Variants in DLAT observed in about 807,000 individuals in gnomAD.
DLAT encodes dihydrolipoyllysine-residue acetyltransferase component of pyruvate dehydrogenase complex, mitochondrial.
Under a neutral mutation model 68.0 loss-of-function variants are expected in DLAT, and 43 were observed. The observed-to-expected ratio is 0.63, with a 90% CI of 0.50 to 0.81. The LOEUF (loss-of-function observed/expected upper bound fraction) is 0.81. Among genes scored for constraint, DLAT ranks in the 40% least tolerant of loss-of-function variants. The pLI, the probability that DLAT is intolerant of heterozygous loss-of-function variation, is 0.00. For synonymous variants in DLAT, 265 were observed against 288.6 expected (o/e 0.92, Z 0.83); for missense variants, 745 against 815.4 (o/e 0.91, Z 1.05).
intron 11 of DLAT, among the ~76,000 whole-genome samples, chr11:112,057,240 C>T (rs1338434281): frequency 1.3e-5 from 2 of 152,178 alleles, no homozygotes; most frequent in Non-Finnish European, 2.9e-5. Context: ...TTGGGCCTCC[C>T]TATTCCATGA....
intron 11 of DLAT, among the ~76,000 whole-genome samples, chr11:112,059,072 G>GA (rs1864343120): frequency 6.6e-6 from 1 of 151,538 alleles, no homozygotes; most frequent in African/African-American, 2.4e-5. Context: ...AAAAGATTGG[G>GA]ACCCCTTACT....
At position 112,061,142 on chromosome 11, in the gene DLAT, G is replaced by T. The variant is rs1555183226; in HGVS notation, c.1782G>T (p.Glu594Asp). The change falls in exon 13 of 14, where the codon GAG (glutamate) becomes GAT (aspartate). Residue 594 changes from glutamate to aspartate, a missense_variant. Physicochemically the swap from Glu to Asp is conservative, Grantham distance 45. Transcript: ENST00000280346. ...GTATTTTGGCAATTGGTGCTTCAGA[G>T]GATAAACTGGTCCCTGCAGATAATG... Reference protein sequence around the residue: ...QACILAIGASEDKLVPADNEK... With the variant: ...QACILAIGASDDKLVPADNEK... 6.2e-7 allele frequency: 1 copy of T among 1,614,102 alleles called. No homozygotes were observed. The highest frequency in any genetic ancestry group is 1.7e-5 in the Admixed American group (1 of 60,018).
At position 112,062,660 on chromosome 11, in the gene DLAT, G is replaced by C; in HGVS notation, c.*125G>C. On this transcript the variant is annotated 3_prime_UTR_variant, in exon 14 of 14. Coordinates refer to ENST00000280346, the MANE Select transcript of DLAT (RefSeq NM_001931.5). ...TTATTTTTATTATTGAGTCTGTCCA[G>C]ATAAGTTATTTATAATGGGCATTAC... The C allele has an allele frequency of 2.6e-6, 3 of 1,166,492 alleles. No homozygotes were observed. Among genetic ancestry groups the C allele is most frequent in the Non-Finnish European group, 3.7e-6 (3 of 819,420 alleles). The allele number at this position is 1,166,492 out of a possible 1,614,324, so 72.3% of individuals were successfully genotyped here. A position where few individuals can be genotyped will look rare whatever the true frequency, so the allele number is the denominator to read the frequency against.
intron 5 of DLAT, among the ~76,000 whole-genome samples, chr11:112,036,207 T>TTG (rs1862760859): frequency 2.3e-5 from 1 of 43,794 alleles, no homozygotes; most frequent in African/African-American, 7.7e-5. Flanking sequence ...GTGTGTTTTT[T>TTG]TTTTTTTTTT....
rs184580509 is a variant in DLAT at position 112,062,769 on chromosome 11, T to G, written c.*234T>G. 8.2e-6 allele frequency: 4 copies of G among 485,560 alleles called. No homozygotes were observed. In the Admixed American group the frequency reaches 9.7e-5, roughly 12 times the overall value. 30.1% of individuals were successfully genotyped at this position (485,560 alleles called of 1,614,324 possible). On this transcript the variant is annotated 3_prime_UTR_variant, in exon 14 of 14. Transcript: ENST00000280346. ...AGATTTTTAGCTCTGTACTCCTAAT[T>G]AAGGGACATGTATGTGGCCTTGCCT...
At chr11:112,030,563 C>T (rs548194) in intron 4 of DLAT, among the ~76,000 whole-genome samples, 9,301 of 152,164 alleles carry the variant, frequency 0.061, 934 homozygotes, top group African/African-American at 0.21. Flanking sequence ...AATGAGAAAA[C>T]TGACAAAAGT....
chr11:112,045,132 C>G lies in DLAT; in HGVS notation c.1198-6C>G. On this transcript the variant is annotated splice_polypyrimidine_tract_variant and splice_region_variant and intron_variant, in intron 8 of 13. Coordinates refer to ENST00000280346, the MANE Select transcript of DLAT (RefSeq NM_001931.5). ...GTTACTAAGAGCTTTTTCTTTCCTC[C>G]CATAGGCTCCGGCAGCTGTTGTGCC... 1 of 1,613,162 alleles carries G rather than the reference C, an allele frequency of 6.2e-7. No individual in the cohort carries two copies. The highest frequency in any genetic ancestry group is 8.5e-7 in the Non-Finnish European group (1 of 1,179,248).
At chr11:112,029,674 C>CT (rs1482331557) in intron 4 of DLAT, among the ~76,000 whole-genome samples, 2 of 149,548 alleles carry the variant, frequency 1.3e-5, no homozygotes, top group Admixed American at 6.7e-5. Context: ...TACAAAAAAA[C>CT]TTTATTTACA....
At position 112,051,163 on chromosome 11, in the gene DLAT, A is replaced by T; in HGVS notation, c.1399-71A>T. 1 of 1,068,198 alleles carries T rather than the reference A, an allele frequency of 9.4e-7. No homozygotes were observed. Among genetic ancestry groups the T allele is most frequent in the South Asian group, 1.4e-5 (1 of 73,060 alleles). 66.2% of individuals were successfully genotyped at this position (1,068,198 alleles called of 1,614,324 possible). On this transcript the variant is annotated intron_variant, in intron 10 of 13. Transcript: ENST00000280346. This position sits in a 1 kb window ranked among gnomAD's most constrained non-coding sequence, Gnocchi z 4.3. ...TATAATAAACCTGGACATTCTGCAC[A>T]TGCACCCTGAAACTTAAAATTAAAA... is the stretch of plus-strand genomic sequence containing the variant.
At chr11:112,037,047 A>G (rs782769845) in intron 5 of DLAT, among the ~76,000 whole-genome samples, 3 of 152,198 alleles carry the variant, frequency 2.0e-5, no homozygotes, top group Non-Finnish European at 4.4e-5. Flanking sequence ...AAAAATATTA[A>G]TCTGTTTAAA....
chr11:112,025,893 G>T, intron 1 of DLAT, 142 bp downstream of exon 1: 1 of 1,103,168 alleles, frequency 9.1e-7, no homozygotes, highest in Admixed American at 2.7e-5. Context: ...AGTTGGCTTT[G>T]CTGTAGCTCC....
intron 4 of DLAT, chr11:112,032,464 G>A (rs1192999720): frequency 6.6e-6 from 1 of 151,426 alleles, no homozygotes; most frequent in African/African-American, 2.4e-5. Context: ...ACAATACATT[G>A]TTATTAACTA....
At chr11:112,026,704 A>G (rs1862035914) in intron 2 of DLAT, among the ~76,000 whole-genome samples, 1 of 152,150 alleles carries the variant, frequency 6.6e-6, no homozygotes, top group South Asian at 2.1e-4. Flanking sequence ...AAAGTCTCCC[A>G]TGTCTACCTC....
intron 5 of DLAT, among the ~76,000 whole-genome samples, chr11:112,036,143 A>G (rs12800498): frequency 0.012 from 1,601 of 132,944 alleles, 22 homozygotes; most frequent in African/African-American, 0.042. Flanking sequence ...ATGTGTGTGT[A>G]TATATATATA....
intron 4 of DLAT, 100 bp from the exon 5 acceptor site, chr11:112,033,304 C>T: frequency 1.4e-6 from 2 of 1,430,728 alleles, no homozygotes; most frequent in Non-Finnish European, 1.9e-6. Flanking sequence ...TTTGGATTAT[C>T]ATAGTCACCA....
chr11:112,041,661 T>C (rs1298890088), intron 7 of DLAT, among the ~76,000 whole-genome samples: 2 of 152,100 alleles, frequency 1.3e-5, no homozygotes, highest in African/African-American at 4.8e-5. Context: ...GGCAGGTGGA[T>C]CACAGGTCAG....
intron 4 of DLAT, chr11:112,030,330 A>T (rs1555179858): frequency 3.3e-5 from 17 of 512,036 alleles, no homozygotes. Flanking sequence ...ATCAAAGAAC[A>T]CCATGGGGTT....
At chr11:112,040,136 C>G (rs906282093) in intron 7 of DLAT, among the ~76,000 whole-genome samples, 1 of 152,130 alleles carries the variant, frequency 6.6e-6, no homozygotes, top group Admixed American at 6.5e-5. Flanking sequence ...AGTTGTCATT[C>G]ATATTGATAT....
intron 13 of DLAT, 133 bp from the exon 14 acceptor site, chr11:112,062,273 T>C (rs1295464655): frequency 3.2e-6 from 3 of 951,780 alleles, no homozygotes; most frequent in African/African-American, 1.6e-5. Flanking sequence ...GCTAAAGGTA[T>C]AGGAGACTGG....
Sources: gnomAD v4.1 joint callset for allele counts (sites outside exome capture counted in the v4.1 genomes callset) on GRCh38, gnomAD v4.1.1 for gene constraint, Gnocchi (gnomAD v3.1) non-coding constraint, MANE v1.5 for transcripts, NCBI Gene and HGNC (gene_info 2026-07-23, HGNC 2026-07-21) for gene names.